PCDHA5: variants seen among roughly 807,000 people sequenced by gnomAD.
PCDHA5 encodes protocadherin alpha-5.
A neutral mutation model predicts 61.6 loss-of-function variants in PCDHA5; 43 were observed. The observed-to-expected ratio is 0.70, with a 90% confidence interval of 0.55 to 0.90. The LOEUF (loss-of-function observed/expected upper bound fraction) is 0.90, where lower values mean the gene tolerates loss of function less well. PCDHA5 is among the 40% of genes least tolerant of loss of function. PCDHA5 has a pLI of 0.00. For missense variants in PCDHA5, 1,298 were observed against 1,222.7 expected, an observed-to-expected ratio of 1.06 and a Z score of -0.92; for synonymous variants, 627 against 543.9, an observed-to-expected ratio of 1.15 and a Z score of -2.13.
chr5:140,822,961 C>T lies in PCDHA5; in HGVS notation c.1186C>T (p.Leu396=), dbSNP rs1220771732. The part of the protein sequence containing the change: ...CSLMPHVPFK[L]VSTFKNYYSL... ...CCTAATGCCCCACGTTCCCTTCAAG[C>T]TGGTGTCCACCTTCAAGAATTACTA... The change falls in exon 1 of 4, where the codon CTG becomes TTG. Residue 396 remains leucine, a synonymous_variant. Transcript: ENST00000529859. 1.2e-5 allele frequency: 20 copies of T among 1,614,146 alleles called. No individual in the cohort carries two copies. The highest frequency in any genetic ancestry group is 1.7e-5 in the Non-Finnish European group (20 of 1,180,056).
rs782681619 is a variant in PCDHA5, at chr5:141,009,600, A to G, written c.2501-27A>G. On this transcript the variant is annotated intron_variant, in intron 3 of 3. Coordinates refer to ENST00000529859, the MANE Select transcript of PCDHA5 (RefSeq NM_018908.3). ...ATCAAGAGCATGTGTTGACCCTGTT[A>G]ATGATTTGTAATGTTTTGTCTTTCA... The G allele has an allele frequency of 1.9e-6, 3 of 1,607,002 alleles. No individual in the cohort carries two copies. In the Admixed American group the frequency reaches 5.0e-5, roughly 27 times the overall value.
Position 140,850,710 on chromosome 5 carries a change from C to G in PCDHA5, c.2352+26583C>G, listed in dbSNP as rs2150495455. ...CGAGTGCGCGCCTGGCAAGCCGACG[C>G]TGGTGTGTTCTAGCGCGGTGGGGAG... On this transcript the variant is annotated intron_variant, in intron 1 of 3. Coordinates refer to ENST00000529859, the MANE Select transcript of PCDHA5 (RefSeq NM_018908.3). 14 of 1,598,036 alleles carry G rather than the reference C, an allele frequency of 8.8e-6. 1 individual carries two copies. Among genetic ancestry groups the G allele is most frequent in the Non-Finnish European group, 1.2e-5 (14 of 1,167,676 alleles).
intron 1 of PCDHA5, among the ~76,000 whole-genome samples, chr5:140,891,046 C>T (rs576145840): frequency 6.6e-6 from 1 of 152,270 alleles, no homozygotes; most frequent in African/African-American, 2.4e-5. Context: ...GTGACCCCCA[C>T]AGCACATAGT....
chr5:140,828,632 G>C, intron 1 of PCDHA5: 1 of 1,614,214 alleles, frequency 6.2e-7, no homozygotes, highest in Non-Finnish European at 8.5e-7. Context: ...CTTCGGGCTA[G>C]ATGTGAAAAT....
rs183950754 is a variant in PCDHA5, at chr5:140,960,187, T to G, written c.2353-18762T>G. On this transcript the variant is annotated intron_variant, in intron 1 of 3. Coordinates refer to ENST00000529859, the MANE Select transcript of PCDHA5 (RefSeq NM_018908.3). ...CAATTCTTAAGTTAGGGGTTGCATG[T>G]GTAGTGGTCAGATGTTATTTCAGGA... 3.5e-3 allele frequency among the ~76,000 whole-genome samples: 529 copies of G among 152,196 alleles called. 22 individuals are homozygous for G. Among genetic ancestry groups the G allele is most frequent in the Admixed American group, 0.032 (493 of 15,274 alleles).
chr5:140,945,124 C>T (rs269553), intron 1 of PCDHA5, among the ~76,000 whole-genome samples: 48,193 of 151,846 alleles, frequency 0.32, 7,977 homozygotes, highest in East Asian at 0.53. Flanking sequence ...AAAAAATCAA[C>T]TTACAAAAAT....
intron 1 of PCDHA5, chr5:140,835,703 C>A (rs2150242433): frequency 6.2e-6 from 10 of 1,613,784 alleles, no homozygotes; most frequent in Middle Eastern, 1.6e-4. Context: ...CCACTGCTAG[C>A]GTGTCCGTGG....
At chr5:140,857,747 T>A in intron 1 of PCDHA5, 1 of 1,597,058 alleles carries the variant, frequency 6.3e-7, no homozygotes, top group Non-Finnish European at 8.6e-7. Flanking sequence ...GCTGCTGGCG[T>A]CTCCCGCTGG....
chr5:140,899,069 A>G (rs1554188379), intron 1 of PCDHA5, among the ~76,000 whole-genome samples: 1 of 152,164 alleles, frequency 6.6e-6, no homozygotes, highest in Non-Finnish European at 1.5e-5. Flanking sequence ...GAAGTTGCTT[A>G]TCAGCTTAAG....
chr5:140,874,129 GTTATC>G (rs1339746498), intron 1 of PCDHA5, among the ~76,000 whole-genome samples: 2 of 151,518 alleles, frequency 1.3e-5, no homozygotes, highest in Non-Finnish European at 2.9e-5. Flanking sequence ...GTTTATTTAA[GTTATC>G]TTATACTTGT....
At chr5:140,969,468 AT>A (rs1264391543) in intron 1 of PCDHA5, 1 of 1,486,422 alleles carries the variant, frequency 6.7e-7, no homozygotes, top group Non-Finnish European at 9.0e-7. Context: ...AGTATCCACA[AT>A]TTGATCATAA....
chr5:140,856,448 G>GT (rs1562509895), intron 1 of PCDHA5: 1 of 1,598,390 alleles, frequency 6.3e-7, no homozygotes, highest in East Asian at 2.2e-5. Flanking sequence ...CAGGTTCTCC[G>GT]TAACAGAACA....
chr5:140,833,590 T>C (rs2150209635), intron 1 of PCDHA5, among the ~76,000 whole-genome samples: 1 of 152,296 alleles, frequency 6.6e-6, no homozygotes, highest in East Asian at 1.9e-4. Flanking sequence ...AAACAGTATA[T>C]ATAGATTCTG....
chr5:140,877,155 C>G (rs782559744), intron 1 of PCDHA5: 21 of 1,613,680 alleles, frequency 1.3e-5, no homozygotes, highest in Non-Finnish European at 1.8e-5. Flanking sequence ...AGAACGACAA[C>G]GCGCCGGCAC....
intron 1 of PCDHA5, chr5:140,824,778 C>A (rs189409181): frequency 7.3e-4 from 111 of 151,842 alleles, no homozygotes; most frequent in African/African-American, 2.6e-3. Flanking sequence ...TGTTTTAACA[C>A]CACCCTTCCA....
At chr5:140,927,627 T>A (rs145171269) in intron 1 of PCDHA5, 5 of 1,614,062 alleles carry the variant, frequency 3.1e-6, no homozygotes, top group Non-Finnish European at 3.4e-6. Flanking sequence ...TTCCAGAGAC[T>A]GCACCCAATG....
At chr5:140,974,865 G>A (rs1042029401) in intron 1 of PCDHA5, among the ~76,000 whole-genome samples, 7 of 152,026 alleles carry the variant, frequency 4.6e-5, no homozygotes, top group African/African-American at 1.4e-4. Context: ...GCCTTAATGC[G>A]GAACAGTCTA....
Position 140,835,484 on chromosome 5 carries a change from C to A in PCDHA5, c.2352+11357C>A, listed in dbSNP as rs2150236532. On this transcript the variant is annotated intron_variant, in intron 1 of 3. Coordinates refer to ENST00000529859, the MANE Select transcript of PCDHA5 (RefSeq NM_018908.3). ...TTCCAGAGGACGCCCAACCAGGTAC[C>A]GTCATCACATTGATTAGCGTGTTTG... The A allele has an allele frequency of 3.7e-6, 6 of 1,613,808 alleles. No individual in the cohort carries two copies. The African/African-American group carries it at 6.7e-5, about 18-fold the overall frequency.
intron 1 of PCDHA5, among the ~76,000 whole-genome samples, chr5:140,970,168 G>T (rs1050888983): frequency 6.6e-6 from 1 of 152,168 alleles, no homozygotes; most frequent in Non-Finnish European, 1.5e-5. Context: ...ACCTTTCTTG[G>T]CATACTCTGA....
Sources: allele counts gnomAD v4.1 joint callset (sites outside exome capture counted in the v4.1 genomes callset), GRCh38; gene constraint gnomAD v4.1.1; transcripts MANE v1.5; gene names NCBI Gene and HGNC (gene_info 2026-07-23, HGNC 2026-07-21).